Variants in PLA2G4A observed in about 807,000 individuals in gnomAD.
PLA2G4A encodes cytosolic phospholipase A2.
Under a neutral mutation model 81.9 loss-of-function variants are expected in PLA2G4A, and 40 were observed. That is an observed-to-expected ratio of 0.49 (90% CI 0.38 to 0.64). The LOEUF (loss-of-function observed/expected upper bound fraction) is 0.64, where lower values mean the gene tolerates loss of function less well. PLA2G4A is among the 30% of genes least tolerant of loss of function. The pLI is 0.00. For synonymous variants in PLA2G4A, 302 were observed against 296.9 expected, an observed-to-expected ratio of 1.02 and a Z score of -0.18; for missense variants, 715 against 905.1, an observed-to-expected ratio of 0.79 and a Z score of 2.69.
chr1:186,875,529 GT>G (rs1653434659), intron 3 of PLA2G4A, among the ~76,000 whole-genome samples: 1 of 152,016 alleles, frequency 6.6e-6, no homozygotes, highest in African/African-American at 2.4e-5. Flanking sequence ...CTCACTTCAT[GT>G]TAAATGATTA....
chr1:186,871,439 A>G (rs573427536), intron 3 of PLA2G4A, among the ~76,000 whole-genome samples: 14 of 152,264 alleles, frequency 9.2e-5, no homozygotes, highest in African/African-American at 1.2e-4. Flanking sequence ...AACTCTCAAA[A>G]CAGGTTTTGG....
intron 3 of PLA2G4A, among the ~76,000 whole-genome samples, chr1:186,886,880 T>C (rs1653954898): frequency 6.6e-6 from 1 of 152,200 alleles, no homozygotes; most frequent in East Asian, 1.9e-4. Flanking sequence ...GTGGGTGTTA[T>C]TATACTCCTG....
rs576139664 is a variant in PLA2G4A at position 186,843,954 on chromosome 1, A to G, written c.-69-10332A>G. ...AATTATAATGAGATTTGAAGAATAC[A>G]AATTTGATAGATTAAGAAGCTGTGA... On this transcript the variant is annotated intron_variant, in intron 1 of 17. Transcript: ENST00000367466. Among the ~76,000 whole-genome samples, 5 of 152,372 alleles carry G rather than the reference A, an allele frequency of 3.3e-5. 1 individual carries two copies. The highest frequency in any genetic ancestry group is 7.2e-5 in the African/African-American group (3 of 41,594).
chr1:186,890,145 T>A (rs1045896497), intron 3 of PLA2G4A, among the ~76,000 whole-genome samples: 2 of 152,222 alleles, frequency 1.3e-5, no homozygotes, highest in African/African-American at 4.8e-5. Context: ...TTTTTGTTAT[T>A]AATTATAATG....
At chr1:186,983,277 A>G (rs4402086) in intron 17 of PLA2G4A, among the ~76,000 whole-genome samples, 40,870 of 152,032 alleles carry the variant, frequency 0.27, 5,733 homozygotes, top group South Asian at 0.42. Flanking sequence ...GCTGTAGACC[A>G]TCAGAGTTCT....
chr1:186,865,668 CTACTT>C (rs1653001717), intron 2 of PLA2G4A, among the ~76,000 whole-genome samples: 1 of 152,148 alleles, frequency 6.6e-6, no homozygotes, highest in African/African-American at 2.4e-5. Flanking sequence ...CATTCAGAAT[CTACTT>C]TATTTTCCAT....
chr1:186,870,250 A>G (rs1165867205), intron 2 of PLA2G4A, among the ~76,000 whole-genome samples, 185 bp from the exon 3 acceptor site: 1 of 152,224 alleles, frequency 6.6e-6, no homozygotes, highest in Non-Finnish European at 1.5e-5. Context: ...TTTAAGGCAC[A>G]ATCTAAACTC....
At position 186,939,087 on chromosome 1, in the gene PLA2G4A, G is replaced by C; in HGVS notation, c.775G>C (p.Val259Leu). 3 of 1,610,892 alleles carry C rather than the reference G, an allele frequency of 1.9e-6. No individual in the cohort carries two copies. Among genetic ancestry groups the C allele is most frequent in the Non-Finnish European group, 2.5e-6 (3 of 1,177,182 alleles). The part of the protein sequence containing the change: ...EEINEELMKN[V>L]SHNPLLLLTP... ...GATTAATGAAGAACTAATGAAAAATGTTAGCCACAATCCCCTTTTACTTCT... is the reference window on the plus strand; with the variant it reads ...GATTAATGAAGAACTAATGAAAAATCTTAGCCACAATCCCCTTTTACTTCT... Residue 259 changes from valine to leucine, a missense_variant, in exon 9 of 18, where the codon GTT becomes CTT. Coordinates refer to ENST00000367466, the MANE Select transcript of PLA2G4A (RefSeq NM_024420.3).
intron 1 of PLA2G4A, among the ~76,000 whole-genome samples, chr1:186,842,660 A>C (rs1652030823): frequency 6.6e-6 from 1 of 152,106 alleles, no homozygotes; most frequent in Admixed American, 6.6e-5. Context: ...GACACCAGGC[A>C]CTCTGTGCAC....
At chr1:186,865,776 A>C (rs1254705608) in intron 2 of PLA2G4A, among the ~76,000 whole-genome samples, 1 of 152,190 alleles carries the variant, frequency 6.6e-6, no homozygotes, top group Admixed American at 6.5e-5. Context: ...TTTGGTATAA[A>C]TTGGTTCTTT....
chr1:186,912,394 A>G (rs1654978963), intron 7 of PLA2G4A, among the ~76,000 whole-genome samples: 1 of 152,082 alleles, frequency 6.6e-6, no homozygotes, highest in African/African-American at 2.4e-5. Context: ...GTGTAATGAC[A>G]TGCATCCACC....
chr1:186,851,042 C>G (rs190577192), intron 1 of PLA2G4A, among the ~76,000 whole-genome samples: 2 of 151,904 alleles, frequency 1.3e-5, no homozygotes, highest in Non-Finnish European at 2.9e-5. Flanking sequence ...GGCTAGGTAC[C>G]TTTCACAGTA....
At chr1:186,921,428 TGAG>T (rs1267914769) in intron 7 of PLA2G4A, among the ~76,000 whole-genome samples, 1 of 152,202 alleles carries the variant, frequency 6.6e-6, no homozygotes, top group East Asian at 1.9e-4. Flanking sequence ...TTTTTCCAAT[TGAG>T]GAGGTCAGCA....
At chr1:186,914,811 T>C (rs1485843980) in intron 7 of PLA2G4A, among the ~76,000 whole-genome samples, 1 of 152,090 alleles carries the variant, frequency 6.6e-6, no homozygotes, top group Non-Finnish European at 1.5e-5. Flanking sequence ...CATAAGACAA[T>C]ATGAGGGGTG....
intron 1 of PLA2G4A, among the ~76,000 whole-genome samples, chr1:186,839,191 G>A (rs1156961425): frequency 3.3e-5 from 5 of 152,200 alleles, no homozygotes; most frequent in Admixed American, 6.5e-5. Flanking sequence ...GAGTCTGTGC[G>A]GGTCAAGTCA....
At chr1:186,987,230 T>G (rs1480173552) in intron 17 of PLA2G4A, among the ~76,000 whole-genome samples, 1 of 152,240 alleles carries the variant, frequency 6.6e-6, no homozygotes, top group Non-Finnish European at 1.5e-5. Context: ...GCTTGCCCAG[T>G]GAGCTTGCAC....
chr1:186,886,521 G>T (rs1275953097), intron 3 of PLA2G4A, among the ~76,000 whole-genome samples: 1 of 152,104 alleles, frequency 6.6e-6, no homozygotes, highest in African/African-American at 2.4e-5. Flanking sequence ...TATATCAAAG[G>T]AATGACCACA....
chr1:186,837,736 C>CAAAAAAAAAAAAAAAAAAAAAAAAA (rs750655561), intron 1 of PLA2G4A, among the ~76,000 whole-genome samples: 1 of 55,230 alleles, frequency 1.8e-5, no homozygotes, highest in Non-Finnish European at 3.3e-5. Context: ...GACTCCGTCT[C>CAAAAAAAAAAAAAAAAAAAAAAAAA]AAAAAAAAAA....
chr1:186,835,790 A>G (rs1651757360), intron 1 of PLA2G4A, among the ~76,000 whole-genome samples: 1 of 152,186 alleles, frequency 6.6e-6, no homozygotes, highest in South Asian at 2.1e-4. Flanking sequence ...CCACTAACCC[A>G]TTTTAGAAAG....
Sources: gnomAD v4.1 joint callset for allele counts (sites outside exome capture counted in the v4.1 genomes callset) on GRCh38, gnomAD v4.1.1 for gene constraint, MANE v1.5 for transcripts, NCBI Gene and HGNC (gene_info 2026-07-23, HGNC 2026-07-21) for gene names.